Variants in IGFL4 observed in about 807,000 individuals in gnomAD.
The protein encoded by IGFL4 is insulin growth factor-like family member 4.
IGFL4 carries 12 observed loss-of-function variants against 15.4 expected under a neutral mutation model. That is an observed-to-expected ratio of 0.78 (90% CI 0.50 to 1.26). The LOEUF (loss-of-function observed/expected upper bound fraction) is 1.26. Among genes scored for constraint, IGFL4 ranks in the 50% most tolerant of loss-of-function variants. IGFL4 has a pLI of 0.00. For missense variants in IGFL4, 126 were observed against 147.8 expected, an observed-to-expected ratio of 0.85 and a Z score of 0.76; for synonymous variants, 54 against 55.9, an observed-to-expected ratio of 0.97 and a Z score of 0.16.
At chr19:46,070,853 CA>C (rs1289792419) in intron 1 of IGFL4, among the ~76,000 whole-genome samples, 1 of 152,100 alleles carries the variant, frequency 6.6e-6, no homozygotes, top group Non-Finnish European at 1.5e-5. Context: ...TGGGTGTGTG[CA>C]AAGTGTTTTG....
rs140499921 is a variant in IGFL4 at position 46,071,302 on chromosome 19, G to C, written c.-432+5718C>G. Among the ~76,000 whole-genome samples the C allele has an allele frequency of 4.9e-4, 75 of 152,212 alleles. No homozygotes were observed. The East Asian group carries it at 0.012, about 25-fold the overall frequency. On this transcript the variant is annotated intron_variant, in intron 1 of 5. Coordinates refer to the IGFL4 transcript ENST00000601672. ...ATTTGCCTCTCCCTTGACTATGTTG[G>C]GGGTAAGGAGAAGACACAGCCTCTC...
In IGFL4 at chr19:46,040,548, G is replaced by C; in HGVS notation, c.40C>G (p.Leu14Val). Reference protein sequence around the residue: ...RISAAIFIFELLGSNSEGVTD... With the variant: ...RISAAIFIFEVLGSNSEGVTD... ...ACTCCTTCTGAGTTTGAACCCAAAA[G>C]TTCAAAAATGAAGATGGCAGCTGAG... The change falls in exon 2 of 4, where the codon CTT becomes GTT. Residue 14 changes from leucine (L) to valine (V), a missense_variant. Coordinates refer to ENST00000377697, the MANE Select transcript of IGFL4 (RefSeq NM_001002923.3). This position sits in a 1 kb window ranked among gnomAD's most constrained non-coding sequence, Gnocchi z 4.1. The C allele has an allele frequency of 6.2e-7, 1 of 1,614,062 alleles. No individual in the cohort carries two copies.
upstream of IGFL4, among the ~76,000 whole-genome samples, chr19:46,041,277 G>A (rs192932663): frequency 6.6e-6 from 1 of 152,226 alleles, no homozygotes; most frequent in East Asian, 1.9e-4. Context: ...ACCGCCCAAG[G>A]GAAAACCACT....
At chr19:46,055,205 G>A (rs1458528483) in intron 2 of IGFL4, among the ~76,000 whole-genome samples, 2 of 152,154 alleles carry the variant, frequency 1.3e-5, no homozygotes, top group African/African-American at 4.8e-5. Context: ...CCTGGGAATG[G>A]CATTTGATAA....
intron 2 of IGFL4, among the ~76,000 whole-genome samples, chr19:46,055,666 A>G (rs1969386152): frequency 6.6e-6 from 1 of 152,254 alleles, no homozygotes; most frequent in Non-Finnish European, 1.5e-5. Flanking sequence ...CTTTAGAGAT[A>G]CTTGGAAAGA....
chr19:46,064,684 T>C (rs1360490564), intron 1 of IGFL4, among the ~76,000 whole-genome samples: 3 of 152,198 alleles, frequency 2.0e-5, no homozygotes, highest in Admixed American at 1.3e-4. Flanking sequence ...TAGTACTCCA[T>C]TTTGTGTAAG....
chr19:46,047,139 T>C (rs1969304090), intron 2 of IGFL4, among the ~76,000 whole-genome samples: 1 of 152,148 alleles, frequency 6.6e-6, no homozygotes, highest in African/African-American at 2.4e-5. Flanking sequence ...AACAATCTGC[T>C]CCTGAATAAC....
chr19:46,060,884 A>G (rs1338529600), intron 1 of IGFL4, among the ~76,000 whole-genome samples: 2 of 152,224 alleles, frequency 1.3e-5, no homozygotes, highest in African/African-American at 4.8e-5. Flanking sequence ...CTAATTCTTA[A>G]TAAAATTTTA....
upstream of IGFL4, among the ~76,000 whole-genome samples, chr19:46,044,699 ACCT>A (rs1426032022): frequency 2.0e-5 from 3 of 152,044 alleles, no homozygotes; most frequent in Non-Finnish European, 4.4e-5. Flanking sequence ...ACTGGGTGAG[ACCT>A]CCTAACAAGG....
chr19:46,061,714 A>G (rs2880179), intron 1 of IGFL4, among the ~76,000 whole-genome samples: 80,257 of 151,950 alleles, frequency 0.53, 21,579 homozygotes, highest in Non-Finnish European at 0.55. Flanking sequence ...CCCAAAGTCA[A>G]TCAGCCCATT....
chr19:46,063,335 GCACA>G (rs5828265), intron 1 of IGFL4, among the ~76,000 whole-genome samples: 7,069 of 146,878 alleles, frequency 0.048, 226 homozygotes, highest in East Asian at 0.08. Flanking sequence ...ACACACGCAT[GCACA>G]CACACACACA....
intron 2 of IGFL4, chr19:46,058,563 C>T (rs1450128041): frequency 6.6e-6 from 1 of 152,210 alleles, no homozygotes; most frequent in East Asian, 1.9e-4. Flanking sequence ...GGGTTTCAAG[C>T]CCACATTTCC....
chr19:46,051,546 A>AAAAAC (rs374201158), intron 2 of IGFL4, among the ~76,000 whole-genome samples: 96 of 152,264 alleles, frequency 6.3e-4, no homozygotes, highest in African/African-American at 2.0e-3. Flanking sequence ...CTTTGTCTCA[A>AAAAAC]AAAACAAAAC....
intron 1 of IGFL4, among the ~76,000 whole-genome samples, chr19:46,074,378 A>C (rs1969575653): frequency 6.6e-6 from 1 of 151,740 alleles, no homozygotes; most frequent in Non-Finnish European, 1.5e-5. Flanking sequence ...ACTCCCATAT[A>C]TGTATATGTA....
upstream of IGFL4, among the ~76,000 whole-genome samples, chr19:46,045,226 C>G (rs1344874220): frequency 6.6e-6 from 1 of 151,990 alleles, no homozygotes; most frequent in East Asian, 1.9e-4. Context: ...AGGTGGATCA[C>G]GAGGTCAGGA....
chr19:46,061,707 A>T (rs767141645), intron 1 of IGFL4, among the ~76,000 whole-genome samples: 12 of 152,280 alleles, frequency 7.9e-5, no homozygotes. Context: ...TAGGCAACCC[A>T]AAGTCAATCA....
At position 46,040,078 on chromosome 19, in the gene IGFL4, C is replaced by T; in HGVS notation, c.330+79G>A. 1 of 1,570,268 alleles carries T rather than the reference C, an allele frequency of 6.4e-7. No homozygotes were observed. Among genetic ancestry groups the T allele is most frequent in the Non-Finnish European group, 8.8e-7 (1 of 1,142,626 alleles). On this transcript the variant is annotated intron_variant, in intron 3 of 3. Coordinates refer to ENST00000377697, the MANE Select transcript of IGFL4 (RefSeq NM_001002923.3). The surrounding 1 kb of genome is among the most constrained non-coding windows in gnomAD (Gnocchi z 4.1). Reference sequence around the variant, plus strand: ...GGTATGGAACCCAGCAGAGACTGCACATCTGGGTGGGACATGGACAACCAA... The same window carrying T: ...GGTATGGAACCCAGCAGAGACTGCATATCTGGGTGGGACATGGACAACCAA...
chr19:46,050,268 A>G (rs991944691), intron 2 of IGFL4, among the ~76,000 whole-genome samples: 1 of 152,108 alleles, frequency 6.6e-6, no homozygotes, highest in Admixed American at 6.5e-5. Flanking sequence ...CCTCTTTAAC[A>G]CCCCCGAAAG....
At position 46,040,128 on chromosome 19, in the gene IGFL4, C is replaced by T. The variant is rs772960442; in HGVS notation, c.330+29G>A. On this transcript the variant is annotated intron_variant, in intron 3 of 3. Transcript: ENST00000377697. The surrounding 1 kb of genome is among the most constrained non-coding windows in gnomAD (Gnocchi z 4.1). Reference sequence around the variant, plus strand: ...AGCTCCATTCCCTACTCCCCCCTCCCACAGCCTGGACTGGAGTCAGATCCT... The same window carrying T: ...AGCTCCATTCCCTACTCCCCCCTCCTACAGCCTGGACTGGAGTCAGATCCT... 4 of 1,610,946 alleles carry T rather than the reference C, an allele frequency of 2.5e-6. No individual in the cohort carries two copies. Among genetic ancestry groups the T allele is most frequent in the Non-Finnish European group, 3.4e-6 (4 of 1,178,458 alleles).
Sources: gnomAD v4.1 joint callset for allele counts (sites outside exome capture counted in the v4.1 genomes callset) on GRCh38, gnomAD v4.1.1 for gene constraint, Gnocchi (gnomAD v3.1) non-coding constraint, MANE v1.5 for transcripts, NCBI Gene and HGNC (gene_info 2026-07-23, HGNC 2026-07-21) for gene names.